The following OTUD7A variants were observed in gnomAD, a reference collection of about 807,000 sequenced individuals.
The protein encoded by OTUD7A is OTU domain-containing protein 7A.
A neutral mutation model predicts 65.7 loss-of-function variants in OTUD7A; 12 were observed. The observed-to-expected ratio is 0.18, with a 90% confidence interval of 0.12 to 0.30. The LOEUF (loss-of-function observed/expected upper bound fraction) is 0.30, where lower values mean the gene tolerates loss of function less well. Among genes scored for constraint, OTUD7A ranks in the 10% least tolerant of loss-of-function variants. The probability of loss-of-function intolerance (pLI) is 1.00; values close to 1 mark genes in which losing one functional copy is unlikely to be tolerated. For missense variants in OTUD7A, 1,148 were observed against 1,304.8 expected, an observed-to-expected ratio of 0.88 and a Z score of 1.85; for synonymous variants, 641 against 586.3, an observed-to-expected ratio of 1.09 and a Z score of -1.35.
At chr15:31,834,121 T>C (rs578259883) in intron 1 of OTUD7A, among the ~76,000 whole-genome samples, 22 of 152,380 alleles carry the variant, frequency 1.4e-4, no homozygotes, top group African/African-American at 3.6e-4. Flanking sequence ...ATAATTTGAA[T>C]GGCCTCAGGT....
rs145943752 is a variant in OTUD7A, at chr15:31,732,590, G to A, written c.-99-75513C>T. Reference sequence around the variant, plus strand: ...AAGTCTACTCTAGTCACTTGGAAACGCCACAGCGTGGATTTCAACTGGGGC... The same window carrying A: ...AAGTCTACTCTAGTCACTTGGAAACACCACAGCGTGGATTTCAACTGGGGC... On this transcript the variant is annotated intron_variant, in intron 1 of 12. Transcript: ENST00000307050. Among the ~76,000 whole-genome samples, 84 of 152,352 alleles carry A rather than the reference G, an allele frequency of 5.5e-4. No individual in the cohort carries two copies. In the South Asian group the frequency reaches 9.3e-3, roughly 17 times the overall value.
At chr15:31,669,345 G>A (rs1032637247) in intron 1 of OTUD7A, among the ~76,000 whole-genome samples, 29 of 152,176 alleles carry the variant, frequency 1.9e-4, no homozygotes, top group Non-Finnish European at 4.1e-4. Flanking sequence ...GGGGATGGGG[G>A]TGAGGTTCCC....
At chr15:31,835,161 T>A (rs1008437260) in intron 1 of OTUD7A, among the ~76,000 whole-genome samples, 1 of 152,202 alleles carries the variant, frequency 6.6e-6, no homozygotes, top group Admixed American at 6.5e-5. Context: ...GCTTTTACCT[T>A]GGATGAAAGT....
intron 1 of OTUD7A, among the ~76,000 whole-genome samples, chr15:31,838,098 T>A (rs138669252): frequency 1.3e-5 from 2 of 152,326 alleles, no homozygotes; most frequent in African/African-American, 4.8e-5. Flanking sequence ...TTGATCTAAA[T>A]ATCATGTCTT....
intron 3 of OTUD7A, among the ~76,000 whole-genome samples, chr15:31,654,618 T>C (rs897073334): frequency 6.6e-6 from 1 of 152,140 alleles, no homozygotes; most frequent in Non-Finnish European, 1.5e-5. Flanking sequence ...TTTAGAGACA[T>C]AGAAACTACA....
At chr15:31,843,588 A>T (rs1457998216) in intron 1 of OTUD7A, among the ~76,000 whole-genome samples, 2 of 152,182 alleles carry the variant, frequency 1.3e-5, no homozygotes, top group Non-Finnish European at 2.9e-5. Flanking sequence ...ATCTGTAACA[A>T]CATCACAGAT....
intron 1 of OTUD7A, among the ~76,000 whole-genome samples, chr15:31,733,646 G>T (rs1175792191): frequency 6.6e-6 from 1 of 152,204 alleles, no homozygotes; most frequent in Non-Finnish European, 1.5e-5. Context: ...TCAGTGTCTA[G>T]CATGGCACAG....
chr15:31,502,833 G>T (rs192103552), intron 9 of OTUD7A, among the ~76,000 whole-genome samples: 3 of 152,326 alleles, frequency 2.0e-5, no homozygotes, highest in African/African-American at 7.2e-5. Flanking sequence ...AAGGGGGTGG[G>T]CCAGGCAGGA....
At chr15:31,584,581 A>G (rs2141188390) in intron 3 of OTUD7A, among the ~76,000 whole-genome samples, 1 of 152,342 alleles carries the variant, frequency 6.6e-6, no homozygotes, top group African/African-American at 2.4e-5. Flanking sequence ...TTGGAATCAG[A>G]TTCTTAACTA....
chr15:31,587,078 A>G (rs1595631175), intron 3 of OTUD7A, among the ~76,000 whole-genome samples: 1 of 152,128 alleles, frequency 6.6e-6, no homozygotes, highest in Non-Finnish European at 1.5e-5. Flanking sequence ...GAGCATCCCA[A>G]GCCTAACACA....
chr15:31,595,712 G>T (rs1889883594), intron 3 of OTUD7A, among the ~76,000 whole-genome samples: 1 of 152,254 alleles, frequency 6.6e-6, no homozygotes. Context: ...CAAGGCTGAA[G>T]AGGTGTCAGC....
intron 1 of OTUD7A, among the ~76,000 whole-genome samples, chr15:31,802,141 G>GTGTGTGTATATA (rs553698632): frequency 6.2e-4 from 89 of 142,580 alleles, no homozygotes; most frequent in Non-Finnish European, 9.9e-4. Flanking sequence ...GTGTGTGTGT[G>GTGTGTGTATATA]TATATATATA....
At chr15:31,722,823 G>A (rs1320136256) in intron 1 of OTUD7A, among the ~76,000 whole-genome samples, 2 of 152,270 alleles carry the variant, frequency 1.3e-5, no homozygotes, top group Non-Finnish European at 2.9e-5. Context: ...TTACATCCCA[G>A]AGACAGCAAT....
chr15:31,481,979 G>A lies in OTUD7A; in HGVS notation c.*1315C>T, dbSNP rs975528753. 1.3e-5 allele frequency: 2 copies of A among 152,132 alleles called. No homozygotes were observed. The highest frequency in any genetic ancestry group is 2.9e-5 in the Non-Finnish European group (2 of 68,022). 9.4% of individuals were successfully genotyped at this position (152,132 alleles called of 1,614,324 possible). A position where few individuals can be genotyped will look rare whatever the true frequency, so the allele number is the denominator to read the frequency against. On this transcript the variant is annotated 3_prime_UTR_variant, in exon 13 of 13. Transcript: ENST00000307050. Reference sequence around the variant, plus strand: ...TTTACCCATCTTATCCTCATTTCTTGGAAACAAGCTCGTTCCTTAGTGAGG... The same window carrying A: ...TTTACCCATCTTATCCTCATTTCTTAGAAACAAGCTCGTTCCTTAGTGAGG...
chr15:31,496,847 A>T (rs772876195), intron 10 of OTUD7A, among the ~76,000 whole-genome samples: 21 of 152,112 alleles, frequency 1.4e-4, no homozygotes, highest in Non-Finnish European at 3.1e-4. Context: ...ACACTTATAA[A>T]CTTGCTGTGT....
chr15:31,769,955 G>A (rs1019600783), intron 1 of OTUD7A, among the ~76,000 whole-genome samples: 18 of 152,146 alleles, frequency 1.2e-4, no homozygotes, highest in African/African-American at 3.9e-4. Context: ...TCAATTTTGC[G>A]GTATGCCAAT....
intron 1 of OTUD7A, among the ~76,000 whole-genome samples, chr15:31,831,230 T>C (rs1195565448): frequency 6.6e-6 from 1 of 152,180 alleles, no homozygotes; most frequent in Non-Finnish European, 1.5e-5. Context: ...TCTTCATGCC[T>C]TAGCATAGGC....
At chr15:31,732,656 G>C (rs570581461) in intron 1 of OTUD7A, among the ~76,000 whole-genome samples, 42 of 152,342 alleles carry the variant, frequency 2.8e-4, no homozygotes, top group African/African-American at 9.9e-4. Context: ...CCTATGTACA[G>C]GTGGCTCTAT....
At chr15:31,590,450 T>C (rs1011629353) in intron 3 of OTUD7A, among the ~76,000 whole-genome samples, 3 of 151,642 alleles carry the variant, frequency 2.0e-5, no homozygotes, top group African/African-American at 7.2e-5. Context: ...GGTGTATGTG[T>C]ATATACACAT....
Sources: gnomAD v4.1 joint callset for allele counts (sites outside exome capture counted in the v4.1 genomes callset) on GRCh38, gnomAD v4.1.1 for gene constraint, MANE v1.5 for transcripts, NCBI Gene and HGNC (gene_info 2026-07-23, HGNC 2026-07-21) for gene names.